FILIP1L: variants seen among roughly 807,000 people sequenced by gnomAD.
The protein encoded by FILIP1L is filamin A interacting protein 1 like, also known as filamin A-interacting protein 1-like.
FILIP1L carries 55 observed loss-of-function variants against 96.6 expected under a neutral mutation model. The observed-to-expected ratio is 0.57, with a 90% CI of 0.46 to 0.71. The LOEUF is 0.71. FILIP1L is among the 30% of genes least tolerant of loss of function. The pLI is 0.00. For missense variants in FILIP1L, 1,304 were observed against 1,321.2 expected, an observed-to-expected ratio of 0.99 and a Z score of 0.20; for synonymous variants, 467 against 473.9, an observed-to-expected ratio of 0.99 and a Z score of 0.19.
intron 1 of FILIP1L, among the ~76,000 whole-genome samples, chr3:99,939,182 C>G (rs769936662): frequency 3.3e-5 from 5 of 152,186 alleles, no homozygotes; most frequent in Non-Finnish European, 5.9e-5. Flanking sequence ...GTGCAGTAGT[C>G]TCTCATCCAT....
intron 1 of FILIP1L, among the ~76,000 whole-genome samples, chr3:100,048,138 G>C (rs1055072076): frequency 6.6e-6 from 1 of 152,206 alleles, no homozygotes; most frequent in African/African-American, 2.4e-5. Context: ...TTCTGGCCCT[G>C]TTTGCCCCAC....
chr3:99,834,030 T>G (rs1942794877), intron 5 of FILIP1L, among the ~76,000 whole-genome samples: 1 of 152,276 alleles, frequency 6.6e-6, no homozygotes, highest in Non-Finnish European at 1.5e-5. Flanking sequence ...TTTTGTCTTT[T>G]ATATTGTTTG....
intron 1 of FILIP1L, among the ~76,000 whole-genome samples, chr3:100,096,892 C>G (rs942011470): frequency 9.9e-5 from 15 of 152,048 alleles, no homozygotes; most frequent in African/African-American, 3.6e-4. Context: ...AATATATACA[C>G]CTACTATGTA....
chr3:100,079,537 C>CA (rs1398266685), intron 1 of FILIP1L, among the ~76,000 whole-genome samples: 1 of 151,958 alleles, frequency 6.6e-6, no homozygotes, highest in South Asian at 2.1e-4. Flanking sequence ...ATCATGTCAG[C>CA]AAAAAAGTAG....
At chr3:100,109,903 A>ACCGCCCCCCCCC (rs1491348077) in intron 1 of FILIP1L, 1 of 72,322 alleles carries the variant, frequency 1.4e-5, no homozygotes, top group African/African-American at 5.7e-5. Context: ...TTCTTTTATG[A>ACCGCCCCCCCCC]CCCCCCCCCC....
intron 1 of FILIP1L, among the ~76,000 whole-genome samples, chr3:100,004,590 A>T (rs190065240): frequency 1.4e-4 from 21 of 152,208 alleles, no homozygotes; most frequent in African/African-American, 4.8e-4. Context: ...GATACAAGGA[A>T]TTAAGAAACA....
Position 99,966,526 on chromosome 3 carries a change from C to T in FILIP1L, c.-10-35496G>A, listed in dbSNP as rs917607856. 1.4e-4 allele frequency among the ~76,000 whole-genome samples: 21 copies of T among 152,164 alleles called. 1 individual carries two copies. The highest frequency in any genetic ancestry group is 4.6e-4 in the African/African-American group (19 of 41,430). On this transcript the variant is annotated intron_variant, in intron 1 of 5. Coordinates refer to ENST00000477258, the MANE Select transcript of FILIP1L (RefSeq NM_001387850.1). ...CGTCAAAATAGTACGGAGACTTAGA[C>T]TGAGTTCACTCATCACTAACAATTA...
rs78916089 is a variant in FILIP1L at position 99,864,980 on chromosome 3, G to A, written c.606-13910C>T. Among the ~76,000 whole-genome samples the A allele has an allele frequency of 6.2e-3, 938 of 152,148 alleles. 6 individuals carry two copies. Among genetic ancestry groups the A allele is most frequent in the African/African-American group, 0.018 (745 of 41,482 alleles). ...TATTTTGTTTAATACTATATTTCTGGTAGGGAACAGTACCTGGTACTTAAT... is the reference window on the plus strand; with the variant it reads ...TATTTTGTTTAATACTATATTTCTGATAGGGAACAGTACCTGGTACTTAAT... On this transcript the variant is annotated intron_variant, in intron 4 of 5. Coordinates refer to ENST00000477258, the MANE Select transcript of FILIP1L (RefSeq NM_001387850.1).
At chr3:99,958,670 T>TG (rs994498800) in intron 1 of FILIP1L, among the ~76,000 whole-genome samples, 5 of 152,014 alleles carry the variant, frequency 3.3e-5, no homozygotes, top group African/African-American at 1.2e-4. Flanking sequence ...AGAAGAGAGC[T>TG]GGGGGCAGAG....
chr3:99,837,210 T>C (rs1054157001), intron 5 of FILIP1L, among the ~76,000 whole-genome samples: 8 of 152,220 alleles, frequency 5.3e-5, no homozygotes, highest in Non-Finnish European at 1.2e-4. Flanking sequence ...GCATGATCCG[T>C]ACTCACTGAT....
At position 100,014,288 on chromosome 3, in the gene FILIP1L, T is replaced by C. The variant is rs966166402; in HGVS notation, c.-10-83258A>G. ...TCCACATCTTGACTGTTATGAATAA[T>C]GCTGCAATGAATATGAGAATGTAGA... On this transcript the variant is annotated intron_variant, in intron 1 of 5. Coordinates refer to ENST00000477258, the MANE Select transcript of FILIP1L (RefSeq NM_001387850.1). Among the ~76,000 whole-genome samples the C allele has an allele frequency of 2.0e-5, 3 of 152,080 alleles. No individual in the cohort carries two copies. The South Asian group carries it at 6.2e-4, about 32-fold the overall frequency.
intron 1 of FILIP1L, among the ~76,000 whole-genome samples, chr3:100,079,929 G>A (rs937020358): frequency 6.6e-6 from 1 of 151,900 alleles, no homozygotes; most frequent in Non-Finnish European, 1.5e-5. Flanking sequence ...TGCATATATG[G>A]GTAATGTCAT....
intron 1 of FILIP1L, among the ~76,000 whole-genome samples, chr3:99,985,717 T>C (rs996582746): frequency 1.3e-5 from 2 of 151,872 alleles, no homozygotes; most frequent in Non-Finnish European, 2.9e-5. Context: ...GCCTCCTGAG[T>C]AAATGGGATT....
intron 1 of FILIP1L, among the ~76,000 whole-genome samples, chr3:100,057,762 T>C (rs1010407961): frequency 6.6e-6 from 1 of 152,188 alleles, no homozygotes; most frequent in Non-Finnish European, 1.5e-5. Context: ...CGTGGCTGGC[T>C]CAGCATAACC....
chr3:100,007,068 A>G (rs1285426135), intron 1 of FILIP1L, among the ~76,000 whole-genome samples: 1 of 152,180 alleles, frequency 6.6e-6, no homozygotes, highest in Non-Finnish European at 1.5e-5. Flanking sequence ...GGTTTACACC[A>G]TCTTGTGGCC....
chr3:100,043,022 T>C (rs966047452), intron 1 of FILIP1L, among the ~76,000 whole-genome samples: 2 of 152,240 alleles, frequency 1.3e-5, no homozygotes, highest in Non-Finnish European at 2.9e-5. Flanking sequence ...CCTGTGCTGG[T>C]CACAGCCTTC....
At chr3:99,926,679 C>G (rs1231393522) in intron 3 of FILIP1L, among the ~76,000 whole-genome samples, 2 of 152,254 alleles carry the variant, frequency 1.3e-5, no homozygotes, top group East Asian at 1.9e-4. Context: ...CTAAAAGAGG[C>G]TTTTCTAAAT....
At chr3:100,087,949 G>C (rs956966730) in intron 1 of FILIP1L, among the ~76,000 whole-genome samples, 28 of 150,170 alleles carry the variant, frequency 1.9e-4, no homozygotes, top group African/African-American at 6.9e-4. Context: ...TCCTGCCTCA[G>C]CCTCTCAAGT....
intron 4 of FILIP1L, among the ~76,000 whole-genome samples, chr3:99,890,781 A>C (rs1390179511): frequency 2.0e-5 from 3 of 151,924 alleles, no homozygotes; most frequent in African/African-American, 4.8e-5. Context: ...TGATTATTTA[A>C]ATATCTGAGG....
Sources: gnomAD v4.1 joint callset for allele counts (sites outside exome capture counted in the v4.1 genomes callset) on GRCh38, gnomAD v4.1.1 for gene constraint, MANE v1.5 for transcripts, NCBI Gene and HGNC (gene_info 2026-07-23, HGNC 2026-07-21) for gene names.